CHST8: variants seen among roughly 807,000 people sequenced by gnomAD.
The protein encoded by CHST8 is GALNAC-4-ST1.
CHST8 carries 10 observed loss-of-function variants against 15.0 expected under a neutral mutation model. The ratio of observed to expected loss-of-function variants is 0.67; its 90% CI spans 0.41 to 1.13. The LOEUF (loss-of-function observed/expected upper bound fraction) is 1.13. CHST8 is among the 50% of genes most tolerant of loss of function. The pLI is 0.00. For missense variants in CHST8, 634 were observed against 608.2 expected (o/e 1.04, Z -0.45); for synonymous variants, 259 against 256.6 (o/e 1.01, Z -0.09).
chr19:33,641,416 C>T (rs1372039589), intron 1 of CHST8, among the ~76,000 whole-genome samples: 1 of 152,194 alleles, frequency 6.6e-6, no homozygotes, highest in Non-Finnish European at 1.5e-5. Flanking sequence ...CCCCACCACC[C>T]CCTGGGCAGG....
At chr19:33,671,306 G>A (rs998343353) in intron 2 of CHST8, among the ~76,000 whole-genome samples, 33 of 152,166 alleles carry the variant, frequency 2.2e-4, no homozygotes, top group African/African-American at 8.0e-4. Context: ...TTTCACATGA[G>A]AATGGTGGAC....
chr19:33,694,962 C>T (rs1054881477), intron 3 of CHST8, among the ~76,000 whole-genome samples: 3 of 149,228 alleles, frequency 2.0e-5, no homozygotes, highest in African/African-American at 7.4e-5. Context: ...TGTTCCCTTC[C>T]CTTCCCTTCT....
chr19:33,662,614 G>A lies in CHST8; in HGVS notation c.-163-5153G>A, dbSNP rs117640395. On this transcript the variant is annotated intron_variant, in intron 1 of 4. Coordinates refer to ENST00000650847, the MANE Select transcript of CHST8 (RefSeq NM_001127895.2). The stretch of plus-strand genomic sequence containing the variant: ...AGCGTTACGCATTGACCAGCGCATG[G>A]TGAGTGCTCAGTGAGGGTTCCTGGA... Among the ~76,000 whole-genome samples the A allele has an allele frequency of 1.2e-4, 18 of 152,294 alleles. No homozygotes were observed. The East Asian group carries it at 3.5e-3, about 29-fold the overall frequency.
chr19:33,753,488 CT>C (rs1331801748), intron 3 of CHST8, among the ~76,000 whole-genome samples: 3 of 69,488 alleles, frequency 4.3e-5, no homozygotes, highest in East Asian at 3.7e-4. Context: ...CACCATCCTC[CT>C]ACCATCCCCC....
chr19:33,694,916 C>T (rs1485340193), intron 3 of CHST8, among the ~76,000 whole-genome samples: 1 of 144,214 alleles, frequency 6.9e-6, no homozygotes, highest in Admixed American at 6.9e-5. Flanking sequence ...CCCTTCCCTT[C>T]CCTCCCTTCC....
At chr19:33,642,301 C>A (rs1186032582) in intron 1 of CHST8, among the ~76,000 whole-genome samples, 3 of 152,200 alleles carry the variant, frequency 2.0e-5, no homozygotes, top group Admixed American at 2.0e-4. Context: ...AGGGCCCCCC[C>A]CCACTCCACC....
intron 1 of CHST8, among the ~76,000 whole-genome samples, chr19:33,629,109 AC>A (rs777959700): frequency 3.6e-4 from 55 of 152,130 alleles, no homozygotes; most frequent in Non-Finnish European, 7.2e-4. Flanking sequence ...AAGCTGCTCG[AC>A]GGCCAGACCC....
chr19:33,644,355 C>T (rs960295719), intron 1 of CHST8, among the ~76,000 whole-genome samples: 2 of 152,158 alleles, frequency 1.3e-5, no homozygotes, highest in African/African-American at 4.8e-5. Context: ...CTGGGGGATA[C>T]AGCAGGACGT....
At chr19:33,635,703 C>T (rs1427714167) in intron 1 of CHST8, among the ~76,000 whole-genome samples, 1 of 152,172 alleles carries the variant, frequency 6.6e-6, no homozygotes, top group East Asian at 1.9e-4. Context: ...CCCGGAGATA[C>T]TGCGGTCCAG....
At chr19:33,694,093 CAT>C (rs3040787) in intron 3 of CHST8, among the ~76,000 whole-genome samples, 615 of 31,284 alleles carry the variant, frequency 0.02, 24 homozygotes, top group African/African-American at 0.046. Flanking sequence ...GTAGTTTATT[CAT>C]ATATATATAT....
intron 3 of CHST8, among the ~76,000 whole-genome samples, chr19:33,704,691 C>T (rs1838496080): frequency 6.6e-6 from 1 of 152,152 alleles, no homozygotes; most frequent in Admixed American, 6.5e-5. Flanking sequence ...AGGCGGATCA[C>T]TTGAGGTCAG....
At position 33,656,052 on chromosome 19, in the gene CHST8, T is replaced by C. The variant is rs187433587; in HGVS notation, c.-163-11715T>C. ...TACAGTTCTGGCCACATTCCGTAAG[T>C]TTTGGTATGCATAAATTGTCATTAG... On this transcript the variant is annotated intron_variant, in intron 1 of 4. Coordinates refer to ENST00000650847, the MANE Select transcript of CHST8 (RefSeq NM_001127895.2). 3.3e-5 allele frequency among the ~76,000 whole-genome samples: 5 copies of C among 152,314 alleles called. No individual in the cohort carries two copies. In the East Asian group the frequency reaches 9.6e-4, roughly 29 times the overall value.
At chr19:33,729,776 G>A (rs1047734075) in intron 3 of CHST8, among the ~76,000 whole-genome samples, 1 of 152,166 alleles carries the variant, frequency 6.6e-6, no homozygotes, top group Admixed American at 6.5e-5. Flanking sequence ...TTTGGGCCTG[G>A]GGTTTTTAAG....
At chr19:33,683,416 A>G (rs1972922776) in intron 2 of CHST8, among the ~76,000 whole-genome samples, 1 of 152,176 alleles carries the variant, frequency 6.6e-6, no homozygotes. Context: ...GGCAAAAGTG[A>G]GGTCCTGGTG....
At chr19:33,676,521 G>A (rs975535692) in intron 2 of CHST8, among the ~76,000 whole-genome samples, 8 of 152,068 alleles carry the variant, frequency 5.3e-5, no homozygotes, top group African/African-American at 9.7e-5. Flanking sequence ...AGTGAGCCAA[G>A]GTCGTGCCAC....
intron 1 of CHST8, among the ~76,000 whole-genome samples, chr19:33,624,823 T>A (rs1265783841): frequency 6.6e-6 from 1 of 152,146 alleles, no homozygotes; most frequent in Non-Finnish European, 1.5e-5. Context: ...GCTGGAGAAA[T>A]TTTTAGTGAG....
At chr19:33,686,173 G>A (rs958729553) in intron 2 of CHST8, among the ~76,000 whole-genome samples, 17 of 152,092 alleles carry the variant, frequency 1.1e-4, no homozygotes, top group Non-Finnish European at 2.1e-4. Context: ...GTGTTCTCTC[G>A]GGGGCCAGCA....
At chr19:33,736,341 T>G (rs931755849) in intron 3 of CHST8, among the ~76,000 whole-genome samples, 6 of 152,102 alleles carry the variant, frequency 3.9e-5, no homozygotes, top group Non-Finnish European at 8.8e-5. Context: ...AGGGTAGGGG[T>G]GCTTGCTGCA....
In CHST8 at chr19:33,772,325, C is replaced by T. The variant is rs764650964; in HGVS notation, c.537C>T (p.Arg179=). ...ASSSRRAVTP[R]HVSRIFVEDR... is the part of the protein sequence containing the mutation. ...GCAGCCGCCGGGCCGTCACGCCCCG[C>T]CACGTGTCCCGTATCTTCGTGGAGG... The change falls in exon 5 of 5, where the codon CGC becomes CGT. Residue 179 remains arginine, a synonymous_variant. Transcript: ENST00000650847. 2 of 1,605,564 alleles carry T rather than the reference C, an allele frequency of 1.2e-6. No homozygotes were observed. The highest frequency in any genetic ancestry group is 3.3e-5 in the Admixed American group (2 of 59,938).
Sources: gnomAD v4.1 joint callset for allele counts (sites outside exome capture counted in the v4.1 genomes callset) on GRCh38, gnomAD v4.1.1 for gene constraint, MANE v1.5 for transcripts, NCBI Gene and HGNC (gene_info 2026-07-23, HGNC 2026-07-21) for gene names.